Variants in MRPL14 observed in about 807,000 individuals in gnomAD.
MRPL14 encodes the protein large ribosomal subunit protein uL14m.
In MRPL14, 8 loss-of-function variants were observed where a neutral mutation model predicts 10.9. The ratio of observed to expected loss-of-function variants is 0.74; its 90% CI spans 0.43 to 1.33. The LOEUF is 1.33. Ranked by LOEUF, MRPL14 falls within the 40% of genes most tolerant of loss-of-function variation. The pLI is 0.01. For synonymous variants in MRPL14, 82 were observed against 74.1 expected (o/e 1.11, Z -0.54); for missense variants, 179 against 194.5 (o/e 0.92, Z 0.47).
intron 1 of MRPL14, among the ~76,000 whole-genome samples, chr6:44,117,779 C>A (rs1307295184): frequency 6.6e-6 from 1 of 151,930 alleles, no homozygotes; most frequent in Non-Finnish European, 1.5e-5. Context: ...ATCCTCCCAC[C>A]TCAGCCTCCC....
chr6:44,124,041 T>C (rs1189169789), intron 1 of MRPL14, among the ~76,000 whole-genome samples: 1 of 152,202 alleles, frequency 6.6e-6, no homozygotes, highest in Non-Finnish European at 1.5e-5. Flanking sequence ...TTTGTAATAT[T>C]CTTCATCTGG....
intron 1 of MRPL14, among the ~76,000 whole-genome samples, chr6:44,126,397 C>G (rs1167951583): frequency 6.6e-6 from 1 of 152,236 alleles, no homozygotes; most frequent in Non-Finnish European, 1.5e-5. Context: ...CAGTTGCATT[C>G]CACAAGCTAC....
chr6:44,113,656 T>A lies in MRPL14; in HGVS notation c.*187A>T. 3.2e-6 allele frequency: 2 copies of A among 617,210 alleles called. No homozygotes were observed. The highest frequency in any genetic ancestry group is 5.0e-6 in the Non-Finnish European group (2 of 400,452). The allele number at this position is 617,210 out of a possible 1,614,324, so 38.2% of individuals were successfully genotyped here. ...CACCTTTCAACTGCTTCAGTGTAAT[T>A]TATTTTCCCACATCCCAGAAAGCTC... On this transcript the variant is annotated 3_prime_UTR_variant, in exon 3 of 3. Coordinates refer to ENST00000372014, the MANE Select transcript of MRPL14 (RefSeq NM_032111.4).
At position 44,119,009 on chromosome 6, in the gene MRPL14, G is replaced by A. The variant is rs906761687; in HGVS notation, c.-18-2380C>T. 1.2e-4 allele frequency among the ~76,000 whole-genome samples: 19 copies of A among 152,026 alleles called. 1 individual carries two copies. The South Asian group carries it at 2.3e-3, about 18-fold the overall frequency. On this transcript the variant is annotated intron_variant, in intron 1 of 2. Transcript: ENST00000372014. ...AAACCTCAAAAAACCCTATGAAATG[G>A]GTACAATTATTATTAGCCTCATTGT...
chr6:44,114,099 T>C lies in MRPL14; in HGVS notation c.182A>G (p.Tyr61Cys), dbSNP rs777735279. ...CACCTTGCCCACTCCATTCTTCTTA[T>C]AGACATGGATGCAGCGAGGAGCCCG... is the stretch of plus-strand genomic sequence containing the variant. ...YHRAPRCIHV[Y>C]KKNGVGKVGD... Residue 61 changes from tyrosine to cysteine, a missense_variant, in exon 3 of 3, where the codon TAT (tyrosine) becomes TGT (cysteine). Tyr to Cys is a radical substitution (Grantham distance 194). Coordinates refer to ENST00000372014, the MANE Select transcript of MRPL14 (RefSeq NM_032111.4). 2.2e-5 allele frequency: 36 copies of C among 1,614,076 alleles called. No individual in the cohort carries two copies. Among genetic ancestry groups the C allele is most frequent in the South Asian group, 1.1e-4 (10 of 91,082 alleles).
intron 2 of MRPL14, 55 bp downstream of exon 2, chr6:44,116,486 C>G (rs1288643059): frequency 1.3e-6 from 2 of 1,558,372 alleles, no homozygotes; most frequent in Non-Finnish European, 1.8e-6. Flanking sequence ...ATACCCAGCC[C>G]TGATAGGAAG....
intron 1 of MRPL14, among the ~76,000 whole-genome samples, chr6:44,124,998 G>A (rs1776800073): frequency 6.6e-6 from 1 of 152,204 alleles, no homozygotes; most frequent in African/African-American, 2.4e-5. Context: ...AAGAATTCTT[G>A]CAACACTGAA....
intron 2 of MRPL14, among the ~76,000 whole-genome samples, chr6:44,116,076 C>T (rs1221849572): frequency 6.6e-6 from 1 of 152,200 alleles, no homozygotes; most frequent in Non-Finnish European, 1.5e-5. Context: ...CATGACGGGG[C>T]CAGGAGGCAT....
In MRPL14 at chr6:44,115,285, T is replaced by C. The variant is rs147829758; in HGVS notation, c.72-1076A>G. 3.3e-3 allele frequency among the ~76,000 whole-genome samples: 500 copies of C among 152,236 alleles called. 3 individuals carry two copies. Among genetic ancestry groups the C allele is most frequent in the Non-Finnish European group, 6.0e-3 (411 of 68,016 alleles). On this transcript the variant is annotated intron_variant, in intron 2 of 2. Transcript: ENST00000372014. Reference sequence around the variant, plus strand: ...CCGCCTCTCTTCTATATTCTAGTTCTATATATTTCCACTCTCCTCAACTCC... The same window carrying C: ...CCGCCTCTCTTCTATATTCTAGTTCCATATATTTCCACTCTCCTCAACTCC...
intron 1 of MRPL14, among the ~76,000 whole-genome samples, chr6:44,123,354 T>C (rs901492902): frequency 1.3e-5 from 2 of 152,210 alleles, no homozygotes; most frequent in Non-Finnish European, 2.9e-5. Flanking sequence ...ACTAATAAGC[T>C]ACATGGATAA....
chr6:44,126,397 C>A (rs1167951583), intron 1 of MRPL14, among the ~76,000 whole-genome samples: 3 of 152,236 alleles, frequency 2.0e-5, no homozygotes, highest in African/African-American at 7.2e-5. Context: ...CAGTTGCATT[C>A]CACAAGCTAC....
chr6:44,121,808 C>T (rs755740281), intron 1 of MRPL14, among the ~76,000 whole-genome samples: 3 of 152,048 alleles, frequency 2.0e-5, no homozygotes, highest in Non-Finnish European at 2.9e-5. Flanking sequence ...GGCGTGGTGG[C>T]ACGTGCCTGT....
intron 1 of MRPL14, among the ~76,000 whole-genome samples, chr6:44,126,493 T>C (rs1777065059): frequency 6.6e-6 from 1 of 152,198 alleles, no homozygotes; most frequent in African/African-American, 2.4e-5. Context: ...TGTCCTTCTG[T>C]TCAGCAGTGG....
rs1288236906 is a variant in MRPL14, at chr6:44,113,871, A to G, written c.410T>C (p.Val137Ala). The G allele has an allele frequency of 2.5e-6, 4 of 1,586,012 alleles. No individual in the cohort carries two copies. In the East Asian group the frequency reaches 9.0e-5, roughly 36 times the overall value. Residue 137 changes from valine (V) to alanine (A), a missense_variant, in exon 3 of 3, where the codon GTG becomes GCG. By Grantham distance (64) the Val-to-Ala change is moderately conservative. Coordinates refer to ENST00000372014, the MANE Select transcript of MRPL14 (RefSeq NM_032111.4). ...LRKREGEYSK[V>A]LAIAQNFV is the part of the protein sequence containing the mutation. ...CACAAAGTTCTGAGCAATGGCCAGCACCTTGGAATACTCGCCTTCCCGCTT... is the reference window on the plus strand; with the variant it reads ...CACAAAGTTCTGAGCAATGGCCAGCGCCTTGGAATACTCGCCTTCCCGCTT...
At chr6:44,126,662 G>A (rs1321892386) in intron 1 of MRPL14, among the ~76,000 whole-genome samples, 6 of 152,170 alleles carry the variant, frequency 3.9e-5, no homozygotes, top group African/African-American at 9.7e-5. Context: ...CGTCGGCTGT[G>A]GAAAGCAATA....
chr6:44,126,400 C>T (rs1777049110), intron 1 of MRPL14, among the ~76,000 whole-genome samples: 1 of 152,236 alleles, frequency 6.6e-6, no homozygotes, highest in Admixed American at 6.5e-5. Flanking sequence ...TTGCATTCCA[C>T]AAGCTACTAA....
At chr6:44,126,382 C>A (rs1338996995) in intron 1 of MRPL14, among the ~76,000 whole-genome samples, 1 of 152,200 alleles carries the variant, frequency 6.6e-6, no homozygotes, top group Non-Finnish European at 1.5e-5. Context: ...ATAAATCAAA[C>A]CTTACAGTTG....
At position 44,116,572 on chromosome 6, in the gene MRPL14, C is replaced by G. The variant is rs747544825; in HGVS notation, c.40G>C (p.Val14Leu). Residue 14 changes from valine (V) to leucine (L), a missense_variant, in exon 2 of 3, where the codon GTA (valine) becomes CTA (leucine). Transcript: ENST00000372014. ...FTGLWGPFTC[V>L]SRVLSHHCFS... The stretch of plus-strand genomic sequence containing the variant: ...CAGTGATGGCTCAGCACTCTGCTTA[C>G]ACAGGTGAAGGGGCCCCAGAGCCCA... The G allele has an allele frequency of 1.4e-5, 23 of 1,614,040 alleles. No homozygotes were observed. The highest frequency in any genetic ancestry group is 2.5e-6 in the Non-Finnish European group (3 of 1,180,032).
intron 2 of MRPL14, 38 bp from the exon 3 acceptor site, chr6:44,114,247 T>A: frequency 5.1e-6 from 8 of 1,580,616 alleles, no homozygotes; most frequent in Non-Finnish European, 6.9e-6. Context: ...AGTCTGTATC[T>A]CTTATGGTCA....
Sources: allele counts gnomAD v4.1 joint callset (sites outside exome capture counted in the v4.1 genomes callset), GRCh38; gene constraint gnomAD v4.1.1; transcripts MANE v1.5; gene names NCBI Gene and HGNC (gene_info 2026-07-23, HGNC 2026-07-21).